The following APOOL variants were observed in gnomAD, a reference collection of about 807,000 sequenced individuals.
APOOL encodes the protein apolipoprotein O like.
Under a neutral mutation model 23.1 loss-of-function variants are expected in APOOL, and 12 were observed. The ratio of observed to expected loss-of-function variants is 0.52; its 90% CI spans 0.33 to 0.84. APOOL has a LOEUF of 0.84. Ranked by LOEUF, APOOL falls within the 40% of genes least tolerant of loss-of-function variation. APOOL has a pLI of 0.02. For synonymous variants in APOOL, 77 were observed against 69.9 expected (o/e 1.10, Z -0.51); for missense variants, 212 against 199.6 (o/e 1.06, Z -0.37).
intron 8 of APOOL, among the ~76,000 whole-genome samples, chrX:85,079,724 CT>C (rs1350559415): frequency 2.7e-5 from 3 of 111,268 alleles, no homozygotes; most frequent in Non-Finnish European, 3.8e-5. Flanking sequence ...TGGTCCTGTA[CT>C]TTTTTTGGTT....
At chrX:85,067,292 C>T in intron 6 of APOOL, 74 bp downstream of exon 6, 1 of 701,345 alleles carries the variant, frequency 1.4e-6, no homozygotes, top group South Asian at 3.3e-5. Context: ...TTAAATGTTA[C>T]ACAGCACCTG....
intron 8 of APOOL, among the ~76,000 whole-genome samples, chrX:85,079,718 C>G (rs765779165): frequency 4.5e-5 from 5 of 111,170 alleles, no homozygotes; most frequent in African/African-American, 1.6e-4. Context: ...ACTGTCTGGT[C>G]CTGTACTTTT....
chrX:85,033,893 T>G (rs1250279692), intron 1 of APOOL, among the ~76,000 whole-genome samples: 1 of 111,695 alleles, frequency 9.0e-6, no homozygotes, highest in African/African-American at 3.3e-5. Context: ...TTTTTATTAT[T>G]TCTTAACTCT....
intron 1 of APOOL, among the ~76,000 whole-genome samples, chrX:85,034,791 TTTC>T (rs1227034773): frequency 8.9e-6 from 1 of 112,209 alleles, no homozygotes; most frequent in Non-Finnish European, 1.9e-5. Flanking sequence ...AAGGACATGC[TTTC>T]TTCTTTTTTA....
intron 1 of APOOL, among the ~76,000 whole-genome samples, chrX:85,013,276 C>T (rs1222449919): frequency 8.9e-6 from 1 of 111,895 alleles, no homozygotes; most frequent in Non-Finnish European, 1.9e-5. Context: ...TTCAAATAAA[C>T]AGATCCTTGT....
chrX:85,063,122 A>G lies in APOOL; in HGVS notation c.395-4005A>G, dbSNP rs770729358. The stretch of plus-strand genomic sequence containing the variant: ...CTAGGTATTTTATTCTTTTGTGGCA[A>G]TTGTGAATGGGAGTTCATTTATGAT... On this transcript the variant is annotated intron_variant, in intron 5 of 8. Transcript: ENST00000373173. Among the ~76,000 whole-genome samples, 9 of 111,182 alleles carry G rather than the reference A, an allele frequency of 8.1e-5. No homozygotes were observed. In the East Asian group the frequency reaches 1.4e-3, roughly 17 times the overall value.
chrX:85,025,207 A>G (rs981560771), intron 1 of APOOL, among the ~76,000 whole-genome samples: 2 of 110,753 alleles, frequency 1.8e-5, no homozygotes, highest in African/African-American at 3.3e-5. Flanking sequence ...CACAGTTTTA[A>G]ATGACCAGGT....
intron 1 of APOOL, among the ~76,000 whole-genome samples, chrX:85,034,887 T>C (rs1056971919): frequency 3.6e-5 from 4 of 112,087 alleles, no homozygotes. Context: ...GTTTATTCCA[T>C]GTATTTGGTA....
intron 2 of APOOL, 98 bp downstream of exon 2, chrX:85,046,648 G>A: frequency 1.5e-6 from 1 of 685,697 alleles, no homozygotes; most frequent in Non-Finnish European, 2.2e-6. Context: ...AAATGTCTTA[G>A]AAGTCTTTGT....
rs1922883616 is a variant in APOOL, at chrX:85,054,337, TG to T, written c.241-6del. The T allele has an allele frequency of 4.2e-6, 5 of 1,178,379 alleles. No homozygotes were observed. The highest frequency in any genetic ancestry group is 5.7e-6 in the Non-Finnish European group (5 of 879,672). On this transcript the variant is annotated splice_polypyrimidine_tract_variant and splice_region_variant and intron_variant, in intron 3 of 8. Coordinates refer to ENST00000373173, the MANE Select transcript of APOOL (RefSeq NM_198450.6). Reference sequence around the variant, plus strand: ...CAGATGTCTTCCCCCCCTTTTTTTTTGCTTAGGGTGTTTATGTCTTTGTGAA... The same window carrying T: ...CAGATGTCTTCCCCCCCTTTTTTTTTCTTAGGGTGTTTATGTCTTTGTGAA...
intron 1 of APOOL, among the ~76,000 whole-genome samples, chrX:85,023,014 C>T (rs1488609400): frequency 2.7e-5 from 3 of 111,669 alleles, no homozygotes; most frequent in Non-Finnish European, 5.6e-5. Flanking sequence ...CCTCCACTCT[C>T]TCTCTTGCTT....
At position 85,092,614 on chromosome X, in the gene APOOL, G is replaced by T; in HGVS notation, c.*4936G>T. The T allele has an allele frequency of 9.4e-7, 1 of 1,059,521 alleles. No homozygotes were observed. The highest frequency in any genetic ancestry group is 1.3e-6 in the Non-Finnish European group (1 of 773,514). The allele number at this position is 1,059,521 out of a possible 1,213,427, so 87.3% of individuals were successfully genotyped here. ...ACTTTCATTTGAAAGTATAATCTTCGTTAACACATATATTTTATTGAAGGT... is the reference window on the plus strand; with the variant it reads ...ACTTTCATTTGAAAGTATAATCTTCTTTAACACATATATTTTATTGAAGGT... On this transcript the variant is annotated 3_prime_UTR_variant, in exon 9 of 9. Coordinates refer to ENST00000373173, the MANE Select transcript of APOOL (RefSeq NM_198450.6).
rs1924573331 is a variant in APOOL at position 85,092,940 on chromosome X, C to T, written c.*5262C>T. 1 of 330,209 alleles carries T rather than the reference C, an allele frequency of 3.0e-6. No individual in the cohort carries two copies. The highest frequency in any genetic ancestry group is 5.3e-6 in the Non-Finnish European group (1 of 188,909). The allele number at this position is 330,209 out of a possible 1,213,427, so 27.2% of individuals were successfully genotyped here. A position where few individuals can be genotyped will look rare whatever the true frequency, so the allele number is the denominator to read the frequency against. On this transcript the variant is annotated 3_prime_UTR_variant, in exon 9 of 9. Coordinates refer to ENST00000373173, the MANE Select transcript of APOOL (RefSeq NM_198450.6). ...TTCTAATCTCCCTCCTTCTTACTTT[C>T]CCTTGATAGCAAAAAGGGTGTATAG...
chrX:85,030,967 G>A (rs1361641052), intron 1 of APOOL, among the ~76,000 whole-genome samples: 2 of 111,633 alleles, frequency 1.8e-5, no homozygotes, highest in Non-Finnish European at 3.8e-5. Flanking sequence ...CACCAGAATT[G>A]TATTTGATTC....
chrX:85,021,600 G>C (rs1353944546), intron 1 of APOOL, among the ~76,000 whole-genome samples: 3 of 111,261 alleles, frequency 2.7e-5, no homozygotes, highest in Non-Finnish European at 5.7e-5. Context: ...GTGGTCCCAG[G>C]TGCCAAGCCT....
chrX:85,022,996 G>T (rs904319277), intron 1 of APOOL, among the ~76,000 whole-genome samples: 1 of 111,453 alleles, frequency 9.0e-6, no homozygotes, highest in African/African-American at 3.3e-5. Context: ...GTTACAAAGA[G>T]CCTGGCACCT....
chrX:85,044,270 G>GTGTGTATA (rs576516932), intron 1 of APOOL, among the ~76,000 whole-genome samples: 2 of 107,398 alleles, frequency 1.9e-5, no homozygotes, highest in East Asian at 6.0e-4. Flanking sequence ...GTGTGTGTGT[G>GTGTGTATA]TATATATATA....
At chrX:85,048,375 T>C (rs1208613370) in intron 2 of APOOL, among the ~76,000 whole-genome samples, 1 of 111,568 alleles carries the variant, frequency 9.0e-6, no homozygotes, top group Non-Finnish European at 1.9e-5. Flanking sequence ...CAAATCTAGG[T>C]AGGAAGATAA....
Position 85,093,253 on chromosome X carries a change from A to C in APOOL, c.*5575A>C. Reference sequence around the variant, plus strand: ...TTTAAATAGACAATGCAAAGTGAAAACTGCAAATTTCACTTAACTTGTTAT... The same window carrying C: ...TTTAAATAGACAATGCAAAGTGAAACCTGCAAATTTCACTTAACTTGTTAT... On this transcript the variant is annotated 3_prime_UTR_variant, in exon 9 of 9. Coordinates refer to ENST00000373173, the MANE Select transcript of APOOL (RefSeq NM_198450.6). The C allele has an allele frequency of 4.4e-6, 5 of 1,142,204 alleles. No individual in the cohort carries two copies. The South Asian group carries it at 1.0e-4, about 23-fold the overall frequency. The allele number at this position is 1,142,204 out of a possible 1,213,427, so 94.1% of individuals were successfully genotyped here. A position where few individuals can be genotyped will look rare whatever the true frequency, so the allele number is the denominator to read the frequency against.
Sources: allele counts gnomAD v4.1 joint callset (sites outside exome capture counted in the v4.1 genomes callset), GRCh38; gene constraint gnomAD v4.1.1; transcripts MANE v1.5; gene names NCBI Gene and HGNC (gene_info 2026-07-23, HGNC 2026-07-21).